Variants in ARHGEF33 observed in about 807,000 individuals in gnomAD.
The protein encoded by ARHGEF33 is DH and coiled-coil domain-containing protein ENSP00000381780.
In ARHGEF33, 72 loss-of-function variants were observed where a neutral mutation model predicts 101.9. The observed-to-expected ratio is 0.71, with a 90% CI of 0.58 to 0.86. ARHGEF33 has a LOEUF of 0.86. Ranked by LOEUF, ARHGEF33 falls within the 40% of genes least tolerant of loss-of-function variation. The pLI is 0.00. For missense variants in ARHGEF33, 1,169 were observed against 1,111.3 expected, an observed-to-expected ratio of 1.05 and a Z score of -0.74; for synonymous variants, 499 against 442.5, an observed-to-expected ratio of 1.13 and a Z score of -1.60.
intron 2 of ARHGEF33, among the ~76,000 whole-genome samples, chr2:38,911,251 G>C (rs554992783): frequency 2.0e-5 from 3 of 152,144 alleles, no homozygotes; most frequent in Non-Finnish European, 4.4e-5. Context: ...GATTTGTCCT[G>C]ATGAATTATT....
chr2:38,950,572 C>G (rs1667574521), intron 10 of ARHGEF33, among the ~76,000 whole-genome samples: 1 of 152,186 alleles, frequency 6.6e-6, no homozygotes, highest in African/African-American at 2.4e-5. Context: ...CTGCCTTAGC[C>G]TCCCAAGTAG....
Position 38,958,216 on chromosome 2 carries a change from T to C in ARHGEF33, c.1535+18T>C, listed in dbSNP as rs113968826. On this transcript the variant is annotated intron_variant, in intron 15 of 17. Coordinates refer to ENST00000409978, the MANE Select transcript of ARHGEF33 (RefSeq NM_001145451.5). ...GCCATCACGTAAGCACCTGTTGCTG[T>C]GGGAAGGTTAATGCCAATGCCTTTG... The C allele has an allele frequency of 2.3e-5, 35 of 1,551,004 alleles. No homozygotes were observed. The African/African-American group carries it at 3.0e-4, about 13-fold the overall frequency.
intron 14 of ARHGEF33, 106 bp downstream of exon 14, chr2:38,957,153 G>A: frequency 7.3e-7 from 1 of 1,366,312 alleles, no homozygotes; most frequent in Non-Finnish European, 1.0e-6. Flanking sequence ...AGTGGTGGGA[G>A]GTAGAAGGAA....
chr2:38,972,312 G>C (rs1012583291), intron 17 of ARHGEF33, among the ~76,000 whole-genome samples: 1 of 152,184 alleles, frequency 6.6e-6, no homozygotes, highest in African/African-American at 2.4e-5. Flanking sequence ...GGAGTTTTAG[G>C]GTGGGCCATG....
In ARHGEF33 at chr2:38,929,700, A is replaced by G; in HGVS notation, c.241-9A>G. 6.4e-7 allele frequency: 1 copy of G among 1,550,780 alleles called. No homozygotes were observed. The highest frequency in any genetic ancestry group is 2.0e-5 in the Admixed American group (1 of 50,864). ...ACCACGTTAAAACATAGCAATTCTT[A>G]TTTTTTAGGAAGAGCTGAGCAATGC... On this transcript the variant is annotated splice_polypyrimidine_tract_variant and intron_variant, in intron 5 of 17. Coordinates refer to ENST00000409978, the MANE Select transcript of ARHGEF33 (RefSeq NM_001145451.5).
At chr2:38,922,925 C>A (rs992952694) in intron 4 of ARHGEF33, among the ~76,000 whole-genome samples, 6 of 152,166 alleles carry the variant, frequency 3.9e-5, no homozygotes, top group African/African-American at 1.4e-4. Context: ...AACTGGTCTT[C>A]ACTCAGTGCT....
Position 38,929,724 on chromosome 2 carries a change from G to T in ARHGEF33, c.256G>T (p.Ala86Ser). 6.4e-7 allele frequency: 1 copy of T among 1,551,892 alleles called. No homozygotes were observed. Among genetic ancestry groups the T allele is most frequent in the Non-Finnish European group, 8.7e-7 (1 of 1,146,882 alleles). The change falls in exon 6 of 18, where the codon GCC becomes TCC. Residue 86 changes from alanine (A) to serine (S), a missense_variant. Physicochemically the swap from Ala to Ser is moderately conservative, Grantham distance 99. Coordinates refer to ENST00000409978, the MANE Select transcript of ARHGEF33 (RefSeq NM_001145451.5). ...TATTTTTTAGGAAGAGCTGAGCAAT[G>T]CCATGTCGATGATCCAAGCCATCAC... Reference protein sequence around the residue: ...LNYFKEELSNAMSMIQAITSK... With the variant: ...LNYFKEELSNSMSMIQAITSK...
chr2:38,902,459 C>G (rs950433685), intron 2 of ARHGEF33, among the ~76,000 whole-genome samples: 4 of 152,174 alleles, frequency 2.6e-5, no homozygotes, highest in African/African-American at 9.7e-5. Context: ...AAAACAGGAG[C>G]TTATGACTTA....
rs548940033 is a variant in ARHGEF33 at position 38,937,487 on chromosome 2, G to A, written c.718G>A (p.Asp240Asn). The change falls in exon 9 of 18, where the codon GAT (aspartate) becomes AAT (asparagine). Residue 240 changes from aspartate (D) to asparagine (N), a missense_variant. Asp to Asn is a conservative substitution (Grantham distance 23). Transcript: ENST00000409978. ...GEEYVTKDHP[D>N]KLKEAGQGRH... is the part of the protein sequence containing the mutation. ...AGAATACGTCACAAAAGACCACCCA[G>A]ATAAACTCAAGGAGGCTGGCCAGGG... 5 of 1,551,260 alleles carry A rather than the reference G, an allele frequency of 3.2e-6. No individual in the cohort carries two copies. The South Asian group carries it at 5.9e-5, about 18-fold the overall frequency.
intron 2 of ARHGEF33, among the ~76,000 whole-genome samples, chr2:38,904,829 A>G (rs1241955504): frequency 6.6e-6 from 1 of 152,182 alleles, no homozygotes; most frequent in Non-Finnish European, 1.5e-5. Context: ...AGTGAAGAGG[A>G]TGGATGAACT....
rs139050367 is a variant in ARHGEF33, at chr2:38,914,465, C to G, written c.-85-4898C>G. Among the ~76,000 whole-genome samples, 559 of 152,184 alleles carry G rather than the reference C, an allele frequency of 3.7e-3. 3 individuals carry two copies. The highest frequency in any genetic ancestry group is 0.012 in the African/African-American group (510 of 41,530). On this transcript the variant is annotated intron_variant, in intron 2 of 17. Transcript: ENST00000409978. Reference sequence around the variant, plus strand: ...AGCGGATCACCTGAAGTCAGGAGTTCAAGACCAGCCTGGCCAACATGGTGA... The same window carrying G: ...AGCGGATCACCTGAAGTCAGGAGTTGAAGACCAGCCTGGCCAACATGGTGA...
chr2:38,961,314 C>T (rs1265972453), intron 16 of ARHGEF33, among the ~76,000 whole-genome samples: 1 of 152,116 alleles, frequency 6.6e-6, no homozygotes, highest in Non-Finnish European at 1.5e-5. Context: ...AAATAGAAAC[C>T]TTCTTTGGCC....
chr2:38,960,520 A>G lies in ARHGEF33; in HGVS notation c.2215A>G (p.Lys739Glu), dbSNP rs2124424158. The G allele has an allele frequency of 1.6e-6, 2 of 1,287,642 alleles. No homozygotes were observed. The highest frequency in any genetic ancestry group is 3.2e-5 in the East Asian group (1 of 30,986). The allele number at this position is 1,287,642 out of a possible 1,614,324, so 79.8% of individuals were successfully genotyped here. ...RSSSGGRAPIKAERAAQAHGP... is the reference protein window; with the variant it reads ...RSSSGGRAPIEAERAAQAHGP... Reference sequence around the variant, plus strand: ...CAGCAGCGGCGGCCGCGCGCCCATCAAGGCCGAGCGCGCCGCGCAGGCGCA... The same window carrying G: ...CAGCAGCGGCGGCCGCGCGCCCATCGAGGCCGAGCGCGCCGCGCAGGCGCA... The change falls in exon 16 of 18, where the codon AAG becomes GAG. Residue 739 changes from lysine (K) to glutamate (E), a missense_variant. By Grantham distance (56) the Lys-to-Glu change is moderately conservative (BLOSUM62 1). Transcript: ENST00000409978.
chr2:38,902,021 A>G (rs1666253621), intron 2 of ARHGEF33, among the ~76,000 whole-genome samples: 1 of 151,490 alleles, frequency 6.6e-6, no homozygotes, highest in Admixed American at 6.6e-5. Flanking sequence ...AGGCTGAGGC[A>G]GGAGAATGGC....
At chr2:38,946,176 C>T (rs1667445993) in intron 10 of ARHGEF33, among the ~76,000 whole-genome samples, 1 of 152,170 alleles carries the variant, frequency 6.6e-6, no homozygotes, top group Admixed American at 6.5e-5. Flanking sequence ...GGCGGGAGGT[C>T]ATAGGGGAGA....
intron 14 of ARHGEF33, 112 bp from the exon 15 acceptor site, chr2:38,957,922 C>T: frequency 7.5e-7 from 1 of 1,333,494 alleles, no homozygotes; most frequent in Middle Eastern, 1.8e-4. Flanking sequence ...AGATAGAGAC[C>T]TTCACAGCAA....
chr2:38,928,772 G>T (rs1032564403), intron 4 of ARHGEF33, 135 bp from the exon 5 acceptor site: 52 of 754,508 alleles, frequency 6.9e-5, no homozygotes, highest in Middle Eastern at 5.0e-4. Context: ...GTTGTCCAAA[G>T]TGAAGTACAC....
At chr2:38,949,672 G>A (rs2124410435) in intron 10 of ARHGEF33, among the ~76,000 whole-genome samples, 1 of 152,320 alleles carries the variant, frequency 6.6e-6, no homozygotes, top group Non-Finnish European at 1.5e-5. Context: ...AGCTGTGTTA[G>A]GCCGTTCTCA....
intron 5 of ARHGEF33, 21 bp from the exon 6 acceptor site, chr2:38,929,688 A>G: frequency 1.9e-6 from 3 of 1,549,518 alleles, no homozygotes; most frequent in Non-Finnish European, 2.6e-6. Context: ...ACGTTAAAAC[A>G]TAGCAATTCT....
Sources: allele counts gnomAD v4.1 joint callset (sites outside exome capture counted in the v4.1 genomes callset), GRCh38; gene constraint gnomAD v4.1.1; transcripts MANE v1.5; gene names NCBI Gene and HGNC (gene_info 2026-07-23, HGNC 2026-07-21).